PDPN: variants seen among roughly 807,000 people sequenced by gnomAD.
The protein encoded by PDPN is podoplanin.
PDPN carries 12 observed loss-of-function variants against 23.2 expected under a neutral mutation model. The observed-to-expected ratio is 0.52, with a 90% CI of 0.33 to 0.84. The LOEUF is 0.84. Ranked by LOEUF, PDPN falls within the 40% of genes least tolerant of loss-of-function variation. PDPN has a pLI of 0.02. For missense variants in PDPN, 199 were observed against 212.2 expected, an observed-to-expected ratio of 0.94 and a Z score of 0.39; for synonymous variants, 77 against 76.7, an observed-to-expected ratio of 1.00 and a Z score of -0.02.
chr1:13,602,704 AG>A (rs1291053060), intron 1 of PDPN, among the ~76,000 whole-genome samples: 3 of 151,048 alleles, frequency 2.0e-5, no homozygotes, highest in African/African-American at 7.3e-5. Context: ...CTGGGATTAC[AG>A]GTGTGCACCA....
chr1:13,590,688 A>G (rs1023027954), intron 1 of PDPN, among the ~76,000 whole-genome samples: 2 of 152,106 alleles, frequency 1.3e-5, no homozygotes, highest in African/African-American at 4.8e-5. Flanking sequence ...GAGTTGGGCA[A>G]TGGCAGGAAA....
rs1247361484 is a variant in PDPN, at chr1:13,607,249, T to G, written c.144T>G (p.Asp48Glu). 1 of 1,614,026 alleles carries G rather than the reference T, an allele frequency of 6.2e-7. No homozygotes were observed. Among genetic ancestry groups the G allele is most frequent in the African/African-American group, 1.3e-5 (1 of 74,928 alleles). Residue 48 changes from aspartate (D) to glutamate (E), a missense_variant, in exon 2 of 6, where the codon GAT becomes GAG. Coordinates refer to ENST00000621990, the MANE Select transcript of PDPN (RefSeq NM_006474.5). ...GCGTTGCCATGCCAGGTGCCGAAGA[T>G]GATGTGGTGACTCCAGGAACCAGCG... Reference protein sequence around the residue: ...EGGVAMPGAEDDVVTPGTSED... With the variant: ...EGGVAMPGAEEDVVTPGTSED...
intron 1 of PDPN, among the ~76,000 whole-genome samples, chr1:13,599,363 G>A (rs180800648): frequency 5.0e-5 from 7 of 141,220 alleles, no homozygotes; most frequent in East Asian, 4.3e-4. Context: ...TGATGTGTTC[G>A]AGAAGCTATC....
chr1:13,583,796 G>T, upstream of PDPN: 1 of 1,529,450 alleles, frequency 6.5e-7, no homozygotes, highest in Non-Finnish European at 8.8e-7. Flanking sequence ...CGCCTCCTCG[G>T]GAGAGATAAA....
chr1:13,597,373 A>G (rs1034354430), intron 1 of PDPN, among the ~76,000 whole-genome samples: 2 of 152,218 alleles, frequency 1.3e-5, no homozygotes, highest in African/African-American at 4.8e-5. Context: ...TCTGTTGACT[A>G]ATACCCTGGG....
At chr1:13,597,973 T>A (rs1012316400) in intron 1 of PDPN, among the ~76,000 whole-genome samples, 23 of 151,802 alleles carry the variant, frequency 1.5e-4, no homozygotes. Flanking sequence ...AGACCCTGTC[T>A]CAAAAAAAGG....
intron 1 of PDPN, among the ~76,000 whole-genome samples, chr1:13,594,533 C>CA (rs1440789638): frequency 6.6e-6 from 1 of 152,162 alleles, no homozygotes; most frequent in Non-Finnish European, 1.5e-5. Context: ...CCTGTGAAGA[C>CA]ACAGTGGTTG....
chr1:13,606,147 A>G (rs1354698248), intron 1 of PDPN, among the ~76,000 whole-genome samples: 1 of 151,778 alleles, frequency 6.6e-6, no homozygotes, highest in Non-Finnish European at 1.5e-5. Flanking sequence ...CCACCACCAC[A>G]CCAGGCTAAT....
intron 1 of PDPN, among the ~76,000 whole-genome samples, chr1:13,602,041 TCA>T (rs1640656316): frequency 2.3e-5 from 2 of 85,194 alleles, no homozygotes; most frequent in Non-Finnish European, 4.8e-5. Flanking sequence ...TTTGGGTGGC[TCA>T]TGCCTTTGGG....
intron 3 of PDPN, among the ~76,000 whole-genome samples, chr1:13,611,040 T>G (rs1640921394): frequency 6.6e-6 from 1 of 151,604 alleles, no homozygotes; most frequent in South Asian, 2.1e-4. Flanking sequence ...GCTAACACGG[T>G]GAAACCCCGT....
intron 2 of PDPN, among the ~76,000 whole-genome samples, chr1:13,608,529 A>G (rs1640851147): frequency 6.6e-6 from 1 of 152,198 alleles, no homozygotes; most frequent in Admixed American, 6.5e-5. Flanking sequence ...AACACTGCCC[A>G]GATCTTTCCA....
Position 13,583,963 on chromosome 1 carries a change from GC to G in PDPN, c.-70del. On this transcript the variant is annotated 5_prime_UTR_variant, in exon 1 of 6. Transcript: ENST00000621990. Reference sequence around the variant, plus strand: ...TCCAGGCTGGGCCTGTGGCCGCGGTGCTTTTTAATTTTCCCCCAGCTCAGAA... The same window carrying G: ...TCCAGGCTGGGCCTGTGGCCGCGGTGTTTTTAATTTTCCCCCAGCTCAGAA... 1 of 1,613,734 alleles carries G rather than the reference GC, an allele frequency of 6.2e-7. No individual in the cohort carries two copies. The highest frequency in any genetic ancestry group is 8.5e-7 in the Non-Finnish European group (1 of 1,180,002).
chr1:13,612,224 A>C (rs1183096315), intron 3 of PDPN, among the ~76,000 whole-genome samples: 1 of 152,162 alleles, frequency 6.6e-6, no homozygotes, highest in Non-Finnish European at 1.5e-5. Flanking sequence ...TCAGTTTTGA[A>C]GGGGTAATTT....
At position 13,584,049 on chromosome 1, in the gene PDPN, G is replaced by C; in HGVS notation, c.16G>C (p.Ala6Pro). The change falls in exon 1 of 6, where the codon GCT becomes CCT. Residue 6 changes from alanine to proline, a missense_variant. Physicochemically the swap from Ala to Pro is conservative, Grantham distance 27. Transcript: ENST00000621990. The stretch of plus-strand genomic sequence containing the variant: ...AACGGGAACGATGTGGAAGGTGTCA[G>C]CTCTGCTCTTCGTTTTGGGAAGCGC... MWKVS[A>P]LLFVLGSASL... 2 of 1,613,356 alleles carry C rather than the reference G, an allele frequency of 1.2e-6. No homozygotes were observed. Among genetic ancestry groups the C allele is most frequent in the Non-Finnish European group, 1.7e-6 (2 of 1,180,022 alleles).
In PDPN at chr1:13,602,029, C is replaced by CA. The variant is rs1557544216; in HGVS notation, c.68-5144_68-5143insA. Among the ~76,000 whole-genome samples, 107 of 57,390 alleles carry CA rather than the reference C, an allele frequency of 1.9e-3. 3 individuals are homozygous for CA. Among genetic ancestry groups the CA allele is most frequent in the East Asian group, 0.012 (24 of 2,044 alleles). 37.7% of individuals were successfully genotyped at this position (57,390 alleles called of 152,430 possible). The stretch of plus-strand genomic sequence containing the variant: ...GGCTCATGCCTTTGGGTGGCTCATG[C>CA]CTTTGGGTGGCTCATGCCTTTGGGT... On this transcript the variant is annotated intron_variant, in intron 1 of 5. Coordinates refer to ENST00000621990, the MANE Select transcript of PDPN (RefSeq NM_006474.5).
chr1:13,597,113 A>G (rs182956684), intron 1 of PDPN, among the ~76,000 whole-genome samples: 1 of 152,348 alleles, frequency 6.6e-6, no homozygotes, highest in East Asian at 1.9e-4. Flanking sequence ...TCTCTTCAAA[A>G]GCATAACTTT....
At chr1:13,588,220 G>C (rs943871415) in intron 1 of PDPN, among the ~76,000 whole-genome samples, 1 of 152,064 alleles carries the variant, frequency 6.6e-6, no homozygotes, top group South Asian at 2.1e-4. Flanking sequence ...AAGTGCCGTA[G>C]GCAATAGAGG....
intron 1 of PDPN, chr1:13,595,691 C>T (rs1201231312): frequency 4.6e-6 from 2 of 434,914 alleles, no homozygotes; most frequent in African/African-American, 2.0e-5. Context: ...TCATTGGTCT[C>T]ATCCCACAGG....
chr1:13,591,379 C>T (rs1640339812), intron 1 of PDPN, among the ~76,000 whole-genome samples: 1 of 152,148 alleles, frequency 6.6e-6, no homozygotes, highest in Non-Finnish European at 1.5e-5. Context: ...ATAAAATTAA[C>T]CCATTTAAAG....
Sources: allele counts gnomAD v4.1 joint callset (sites outside exome capture counted in the v4.1 genomes callset), GRCh38; gene constraint gnomAD v4.1.1; transcripts MANE v1.5; gene names NCBI Gene and HGNC (gene_info 2026-07-23, HGNC 2026-07-21).